Variants in SLITRK5 observed in about 807,000 individuals in gnomAD.
SLITRK5 encodes SLIT and NTRK-like protein 5.
Under a neutral mutation model 56.2 loss-of-function variants are expected in SLITRK5, and 23 were observed. The ratio of observed to expected loss-of-function variants is 0.41; its 90% CI spans 0.29 to 0.58. SLITRK5 has a LOEUF of 0.58. SLITRK5 is among the 20% of genes least tolerant of loss of function. The pLI, the probability that SLITRK5 is intolerant of heterozygous loss-of-function variation, is 0.30. For missense variants in SLITRK5, 1,289 were observed against 1,226.6 expected, an observed-to-expected ratio of 1.05 and a Z score of -0.76; for synonymous variants, 637 against 531.8, an observed-to-expected ratio of 1.20 and a Z score of -2.72.
At position 87,675,655 on chromosome 13, in the gene SLITRK5, C is replaced by A. The variant is rs866618278; in HGVS notation, c.267C>A (p.Ser89=). Residue 89 remains serine, a synonymous_variant, in exon 2 of 2, where the codon TCC becomes TCA. Coordinates refer to ENST00000683689, the MANE Select transcript of SLITRK5 (RefSeq NM_001384609.1). The stretch of plus-strand genomic sequence containing the variant: ...TCCCAATCTACCACCTCTTGTTGTC[C>A]GGAAACCTTTTGAACCGTCTCTATC... ...PRFPIYHLLL[S]GNLLNRLYPN... is the part of the protein sequence containing the mutation. 6.2e-7 allele frequency: 1 copy of A among 1,614,096 alleles called. No individual in the cohort carries two copies. The highest frequency in any genetic ancestry group is 1.6e-4 in the Middle Eastern group (1 of 6,062).
rs1877384087 is a variant in SLITRK5, at chr13:87,678,170, A to C, written c.2782A>C (p.Asn928His). The change falls in exon 2 of 2, where the codon AAC becomes CAC. Residue 928 changes from asparagine to histidine, a missense_variant. Transcript: ENST00000683689. Reference protein sequence around the residue: ...SPPSAVFVEPNRNEYLELKAK... With the variant: ...SPPSAVFVEPHRNEYLELKAK... ...CCCGAGTGCTGTCTTTGTAGAACCC[A>C]ACCGGAACGAATATCTGGAGTTAAA... 1 of 1,614,208 alleles carries C rather than the reference A, an allele frequency of 6.2e-7. No individual in the cohort carries two copies. Among genetic ancestry groups the C allele is most frequent in the Non-Finnish European group, 8.5e-7 (1 of 1,180,048 alleles).
At position 87,679,181 on chromosome 13, in the gene SLITRK5, A is replaced by G. The variant is rs916676740; in HGVS notation, c.*916A>G. The G allele has an allele frequency of 6.0e-6, 1 of 166,956 alleles. No homozygotes were observed. Among genetic ancestry groups the G allele is most frequent in the Non-Finnish European group, 1.5e-5 (1 of 68,112 alleles). 10.3% of individuals were successfully genotyped at this position (166,956 alleles called of 1,614,324 possible). A position where few individuals can be genotyped will look rare whatever the true frequency, so the allele number is the denominator to read the frequency against. ...TTTAAAAGCCAATGCAACCCACCCA[A>G]TTGAATCTGCATTTTCTTTTAAGAA... On this transcript the variant is annotated 3_prime_UTR_variant, in exon 2 of 2. Transcript: ENST00000683689.
Position 87,678,331 on chromosome 13 carries a change from A to C in SLITRK5, c.*66A>C. Reference sequence around the variant, plus strand: ...ACAAGCAAGCAGACACACACAGTGAACACATTTGATTAATTGTGTTGTTTC... The same window carrying C: ...ACAAGCAAGCAGACACACACAGTGACCACATTTGATTAATTGTGTTGTTTC... On this transcript the variant is annotated 3_prime_UTR_variant, in exon 2 of 2. Transcript: ENST00000683689. 7.1e-7 allele frequency: 1 copy of C among 1,402,776 alleles called. No individual in the cohort carries two copies. Among genetic ancestry groups the C allele is most frequent in the Non-Finnish European group, 9.8e-7 (1 of 1,023,288 alleles). The allele number at this position is 1,402,776 out of a possible 1,614,324, so 86.9% of individuals were successfully genotyped here. A position where few individuals can be genotyped will look rare whatever the true frequency, so the allele number is the denominator to read the frequency against.
chr13:87,677,844 A>T lies in SLITRK5; in HGVS notation c.2456A>T (p.Glu819Val). 2 of 1,611,814 alleles carry T rather than the reference A, an allele frequency of 1.2e-6. No homozygotes were observed. Among genetic ancestry groups the T allele is most frequent in the Non-Finnish European group, 1.7e-6 (2 of 1,178,880 alleles). Residue 819 changes from glutamate to valine, a missense_variant, in exon 2 of 2, where the codon GAG becomes GTG. By Grantham distance (121) the Glu-to-Val change is moderately radical (BLOSUM62 -2). Coordinates refer to ENST00000683689, the MANE Select transcript of SLITRK5 (RefSeq NM_001384609.1). The surrounding 1 kb of genome is among the most constrained non-coding windows in gnomAD (Gnocchi z 4.7). ...PPPQLQLQPG[E>V]EERRESHHLR... ...CCGCAGCTGCAGCTGCAGCCCGGGG[A>T]GGAGGAGAGGCGGGAAAGCCACCAC...
Position 87,677,829 on chromosome 13 carries a change from A to G in SLITRK5, c.2441A>G (p.Gln814Arg). The G allele has an allele frequency of 1.2e-6, 2 of 1,611,682 alleles. No homozygotes were observed. The highest frequency in any genetic ancestry group is 1.7e-6 in the Non-Finnish European group (2 of 1,178,710). The change falls in exon 2 of 2, where the codon CAG becomes CGG. Residue 814 changes from glutamine (Q) to arginine (R), a missense_variant. Gln to Arg is a conservative substitution (Grantham distance 43). Coordinates refer to ENST00000683689, the MANE Select transcript of SLITRK5 (RefSeq NM_001384609.1). This position sits in a 1 kb window ranked among gnomAD's most constrained non-coding sequence, Gnocchi z 4.7. ...CAGCAGCAGCCCCCGCCGCAGCTGC[A>G]GCTGCAGCCCGGGGAGGAGGAGAGG... Reference protein sequence around the residue: ...QPQQQPPPQLQLQPGEEERRE... With the variant: ...QPQQQPPPQLRLQPGEEERRE...
rs1392861164 is a variant in SLITRK5 at position 87,676,748 on chromosome 13, G to C, written c.1360G>C (p.Gly454Arg). The C allele has an allele frequency of 1.9e-6, 3 of 1,613,918 alleles. No homozygotes were observed. The highest frequency in any genetic ancestry group is 2.5e-6 in the Non-Finnish European group (3 of 1,180,038). The change falls in exon 2 of 2, where the codon GGG (glycine) becomes CGG (arginine). Residue 454 changes from glycine (G) to arginine (R), a missense_variant. Physicochemically the swap from Gly to Arg is moderately radical, Grantham distance 125. Coordinates refer to ENST00000683689, the MANE Select transcript of SLITRK5 (RefSeq NM_001384609.1). ...CTCGATGATCCAGGACCGCGCTTTC[G>C]GGGATCTCACCAACCTGAGGCGCCT... is the stretch of plus-strand genomic sequence containing the variant. ...RISMIQDRAF[G>R]DLTNLRRLYL...
chr13:87,674,910 A>G (rs527387878), intron 1 of SLITRK5, among the ~76,000 whole-genome samples: 90 of 144,470 alleles, frequency 6.2e-4, no homozygotes, highest in Non-Finnish European at 1.2e-3. Flanking sequence ...TGAACATGAG[A>G]GACCTTCACG....
In SLITRK5 at chr13:87,677,623, G is replaced by A; in HGVS notation, c.2235G>A (p.Ala745=). The A allele has an allele frequency of 2.5e-6, 4 of 1,609,560 alleles. No individual in the cohort carries two copies. The highest frequency in any genetic ancestry group is 3.4e-6 in the Non-Finnish European group (4 of 1,176,800). ...GPALPKVKTP[A]GHVYEYIPHP... is the part of the protein sequence containing the mutation. ...CGCTGCCCAAGGTGAAGACGCCCGC[G>A]GGCCACGTGTATGAATACATCCCCC... Residue 745 remains alanine (A), a synonymous_variant, in exon 2 of 2, where the codon GCG becomes GCA. Transcript: ENST00000683689. This position sits in a 1 kb window ranked among gnomAD's most constrained non-coding sequence, Gnocchi z 4.7.
rs778864816 is a variant in SLITRK5, at chr13:87,677,445, T to G, written c.2057T>G (p.Val686Gly). The G allele has an allele frequency of 1.9e-6, 3 of 1,613,126 alleles. No homozygotes were observed. Among genetic ancestry groups the G allele is most frequent in the Middle Eastern group, 3.3e-4 (2 of 6,062 alleles). Residue 686 changes from valine to glycine, a missense_variant, in exon 2 of 2, where the codon GTG becomes GGG. Transcript: ENST00000683689. The surrounding 1 kb of genome is among the most constrained non-coding windows in gnomAD (Gnocchi z 4.7). The stretch of plus-strand genomic sequence containing the variant: ...GTCTTCGTGGCCGCCGGGCTCTTCG[T>G]GCTGGTCATGAAGCGCAGGAAGAAG... ...MSVFVAAGLF[V>G]LVMKRRKKNQ...
At chr13:87,673,667 C>G in intron 1 of SLITRK5, 1 of 497,598 alleles carries the variant, frequency 2.0e-6, no homozygotes, top group Non-Finnish European at 3.8e-6. Flanking sequence ...GGGATACTTG[C>G]GAGGTTTATG....
Position 87,675,534 on chromosome 13 carries a change from A to G in SLITRK5, c.146A>G (p.Asp49Gly), listed in dbSNP as rs1412127957. 2 of 1,614,064 alleles carry G rather than the reference A, an allele frequency of 1.2e-6. No individual in the cohort carries two copies. Among genetic ancestry groups the G allele is most frequent in the Admixed American group, 1.7e-5 (1 of 60,004 alleles). Residue 49 changes from aspartate to glycine, a missense_variant, in exon 2 of 2, where the codon GAC (aspartate) becomes GGC (glycine). By Grantham distance (94) the Asp-to-Gly change is moderately conservative. Transcript: ENST00000683689. ...ATCGATTATTATGGGGAAATCTGTG[A>G]CAATGCATGTCCTTGTGAGGAAAAG... ...ETIDYYGEIC[D>G]NACPCEEKDG...
chr13:87,674,007 AAC>A (rs71101016), intron 1 of SLITRK5, among the ~76,000 whole-genome samples: 10,063 of 142,298 alleles, frequency 0.071, 449 homozygotes, highest in African/African-American at 0.13. Flanking sequence ...CGCACACACA[AAC>A]ACACACACAC....
At position 87,677,723 on chromosome 13, in the gene SLITRK5, C is replaced by A; in HGVS notation, c.2335C>A (p.Leu779Met). ...EGNSVEDYKD[L>M]HELKVTYSSN... The stretch of plus-strand genomic sequence containing the variant: ...CAACTCCGTAGAGGATTACAAAGAC[C>A]TGCACGAGCTCAAGGTCACCTACAG... Residue 779 changes from leucine (L) to methionine (M), a missense_variant, in exon 2 of 2, where the codon CTG becomes ATG. Physicochemically the swap from Leu to Met is conservative, Grantham distance 15 (BLOSUM62 2). Transcript: ENST00000683689. The surrounding 1 kb of genome is among the most constrained non-coding windows in gnomAD (Gnocchi z 4.7). The A allele has an allele frequency of 6.2e-7, 1 of 1,612,690 alleles. No homozygotes were observed. The highest frequency in any genetic ancestry group is 8.5e-7 in the Non-Finnish European group (1 of 1,179,222).
chr13:87,677,997 C>T lies in SLITRK5; in HGVS notation c.2609C>T (p.Ala870Val), dbSNP rs1830676221. Reference protein sequence around the residue: ...EPDKHCSTTPAGNSLPEYPKF... With the variant: ...EPDKHCSTTPVGNSLPEYPKF... ...GACAAACACTGCTCCACCACCCCCG[C>T]CGGCAATAGCCTCCCGGAATATCCC... Residue 870 changes from alanine to valine, a missense_variant, in exon 2 of 2, where the codon GCC (alanine) becomes GTC (valine). Ala to Val is a moderately conservative substitution (Grantham distance 64, BLOSUM62 0). Transcript: ENST00000683689. The surrounding 1 kb of genome is among the most constrained non-coding windows in gnomAD (Gnocchi z 4.7). 2 of 1,614,154 alleles carry T rather than the reference C, an allele frequency of 1.2e-6. No individual in the cohort carries two copies. The highest frequency in any genetic ancestry group is 1.7e-6 in the Non-Finnish European group (2 of 1,179,990).
rs755167740 is a variant in SLITRK5 at position 87,676,570 on chromosome 13, G to A, written c.1182G>A (p.Gln394=). 21 of 1,614,012 alleles carry A rather than the reference G, an allele frequency of 1.3e-5. No homozygotes were observed. The highest frequency in any genetic ancestry group is 1.8e-5 in the Non-Finnish European group (21 of 1,180,048). The stretch of plus-strand genomic sequence containing the variant: ...ATCTGGGCCTCAACGTAAACTGCCA[G>A]GAGCGAAAGATCGAGAGCATCGCTG... ...ISDLGLNVNC[Q]ERKIESIAEL... Residue 394 remains glutamine, a synonymous_variant, in exon 2 of 2, where the codon CAG becomes CAA. Transcript: ENST00000683689.
In SLITRK5 at chr13:87,676,709, G is replaced by C; in HGVS notation, c.1321G>C (p.Gly441Arg). Reference sequence around the variant, plus strand: ...CACGGGGCTGGACCTCCTGCACCTGGGGAATAACCGCATCTCGATGATCCA... The same window carrying C: ...CACGGGGCTGGACCTCCTGCACCTGCGGAATAACCGCATCTCGATGATCCA... ...EATGLDLLHL[G>R]NNRISMIQDR... The change falls in exon 2 of 2, where the codon GGG becomes CGG. Residue 441 changes from glycine to arginine, a missense_variant. Physicochemically the swap from Gly to Arg is moderately radical, Grantham distance 125 (BLOSUM62 -2). Transcript: ENST00000683689. 6.2e-7 allele frequency: 1 copy of C among 1,614,016 alleles called. No homozygotes were observed. The highest frequency in any genetic ancestry group is 8.5e-7 in the Non-Finnish European group (1 of 1,180,012).
rs1566319620 is a variant in SLITRK5 at position 87,675,753 on chromosome 13, C to G, written c.365C>G (p.Thr122Ser). The G allele has an allele frequency of 6.2e-7, 1 of 1,614,116 alleles. No homozygotes were observed. Among genetic ancestry groups the G allele is most frequent in the Non-Finnish European group, 8.5e-7 (1 of 1,180,026 alleles). ...AGCAATGTTATCCAGGACATTGAGA[C>G]CGGGGCTTTCCATGGGCTACGGGGT... is the stretch of plus-strand genomic sequence containing the variant. ...LGSNVIQDIE[T>S]GAFHGLRGLR... Residue 122 changes from threonine (T) to serine (S), a missense_variant, in exon 2 of 2, where the codon ACC (threonine) becomes AGC (serine). Thr to Ser is a moderately conservative substitution (Grantham distance 58, BLOSUM62 1). Around this residue, in one of 3 missense-constraint regions of SLITRK5, gnomAD observed 291 missense variants for 286.7 expected, o/e 1.02. Transcript: ENST00000683689.
chr13:87,676,196 T>G lies in SLITRK5; in HGVS notation c.808T>G (p.Leu270Val). Residue 270 changes from leucine to valine, a missense_variant, in exon 2 of 2, where the codon TTA (leucine) becomes GTA (valine). Coordinates refer to ENST00000683689, the MANE Select transcript of SLITRK5 (RefSeq NM_001384609.1). ...GDVVCETPFR[L>V]HGRDLDEVSK... is the part of the protein sequence containing the mutation. ...TGTAGTTTGTGAGACCCCCTTCCGC[T>G]TACACGGAAGGGACTTGGACGAGGT... 1.9e-6 allele frequency: 3 copies of G among 1,613,948 alleles called. No homozygotes were observed. The highest frequency in any genetic ancestry group is 2.5e-6 in the Non-Finnish European group (3 of 1,179,890).
In SLITRK5 at chr13:87,677,017, G is replaced by A. The variant is rs1157900072; in HGVS notation, c.1629G>A (p.Leu543=). 2 of 1,613,902 alleles carry A rather than the reference G, an allele frequency of 1.2e-6. No homozygotes were observed. Among genetic ancestry groups the A allele is most frequent in the African/African-American group, 2.7e-5 (2 of 74,882 alleles). The change falls in exon 2 of 2, where the codon TTG becomes TTA. Residue 543 remains leucine (L), a synonymous_variant. Transcript: ENST00000683689. The surrounding 1 kb of genome is among the most constrained non-coding windows in gnomAD (Gnocchi z 4.7). The stretch of plus-strand genomic sequence containing the variant: ...TGAGGAGTAACCACTTCACCTCCTT[G>A]CCAGTGAGTGGAGTTTTGGACCAGC... ...LNLRSNHFTS[L]PVSGVLDQLK...
Sources: gnomAD v4.1 joint callset for allele counts (sites outside exome capture counted in the v4.1 genomes callset) on GRCh38, gnomAD v4.1.1 for gene constraint, gnomAD v4.1.1 regional missense constraint, Gnocchi (gnomAD v3.1) non-coding constraint, MANE v1.5 for transcripts, NCBI Gene and HGNC (gene_info 2026-07-23, HGNC 2026-07-21) for gene names.